The following SGMS1 variants were observed in gnomAD, a reference collection of about 807,000 sequenced individuals.
SGMS1 encodes the protein phosphatidylcholine:ceramide cholinephosphotransferase 1.
In SGMS1, 13 loss-of-function variants were observed where a neutral mutation model predicts 46.2. The observed-to-expected ratio is 0.28, with a 90% CI of 0.18 to 0.45. The LOEUF is 0.45. Ranked by LOEUF, SGMS1 falls within the 20% of genes least tolerant of loss-of-function variation. SGMS1 has a pLI of 1.00. For missense variants in SGMS1, 324 were observed against 519.9 expected, an observed-to-expected ratio of 0.62 and a Z score of 3.66; for synonymous variants, 203 against 187.8, an observed-to-expected ratio of 1.08 and a Z score of -0.66.
intron 1 of SGMS1, among the ~76,000 whole-genome samples, chr10:50,604,438 C>T (rs1200101155): frequency 6.6e-6 from 1 of 152,188 alleles, no homozygotes; most frequent in African/African-American, 2.4e-5. Flanking sequence ...TAACAGACTC[C>T]AACAGCAAAC....
intron 2 of SGMS1, among the ~76,000 whole-genome samples, chr10:50,543,462 C>G (rs1838073698): frequency 6.6e-6 from 1 of 152,136 alleles, no homozygotes; most frequent in South Asian, 2.1e-4. Flanking sequence ...AGAGCGTAGG[C>G]TAAGAAACAA....
intron 3 of SGMS1, among the ~76,000 whole-genome samples, chr10:50,477,567 A>G (rs970085026): frequency 6.6e-6 from 1 of 152,062 alleles, no homozygotes; most frequent in Non-Finnish European, 1.5e-5. Flanking sequence ...ATTCGGGAGG[A>G]GCCAGGGGCA....
chr10:50,427,837 T>C (rs1237608698), intron 6 of SGMS1, among the ~76,000 whole-genome samples: 2 of 152,212 alleles, frequency 1.3e-5, no homozygotes, highest in African/African-American at 4.8e-5. Flanking sequence ...CAAACATTTA[T>C]AGAATTCAAA....
At chr10:50,338,967 G>C (rs11005245) in intron 7 of SGMS1, among the ~76,000 whole-genome samples, 1 of 151,968 alleles carries the variant, frequency 6.6e-6, no homozygotes, top group Non-Finnish European at 1.5e-5. Flanking sequence ...CAAACTCTCA[G>C]CCTCAGGTGA....
intron 3 of SGMS1, among the ~76,000 whole-genome samples, chr10:50,503,700 G>C (rs1837681128): frequency 6.6e-6 from 1 of 152,208 alleles, no homozygotes; most frequent in African/African-American, 2.4e-5. Context: ...GGATATGAGT[G>C]AAAGTTCCCA....
chr10:50,506,941 G>A (rs1260551506), intron 3 of SGMS1, among the ~76,000 whole-genome samples: 2 of 152,068 alleles, frequency 1.3e-5, no homozygotes, highest in Non-Finnish European at 2.9e-5. Context: ...CAATACTGTC[G>A]GGCCCCAAAA....
At chr10:50,531,183 A>G (rs1163084288) in intron 2 of SGMS1, among the ~76,000 whole-genome samples, 1 of 152,224 alleles carries the variant, frequency 6.6e-6, no homozygotes, top group Admixed American at 6.5e-5. Context: ...CAGTGCCACC[A>G]CCTGATTGAT....
intron 6 of SGMS1, among the ~76,000 whole-genome samples, chr10:50,359,682 CAAAAA>C (rs34496581): frequency 7.1e-6 from 1 of 140,290 alleles, no homozygotes; most frequent in African/African-American, 2.7e-5. Context: ...TTCATTATGG[CAAAAA>C]AAAAAAAACT....
chr10:50,473,506 T>C (rs780213955), intron 3 of SGMS1, among the ~76,000 whole-genome samples: 1 of 152,140 alleles, frequency 6.6e-6, no homozygotes, highest in Non-Finnish European at 1.5e-5. Context: ...TAATAAACTT[T>C]CCAAGTCTCA....
intron 6 of SGMS1, among the ~76,000 whole-genome samples, chr10:50,349,186 C>T (rs778133996): frequency 5.3e-5 from 8 of 152,216 alleles, no homozygotes; most frequent in Non-Finnish European, 8.8e-5. Flanking sequence ...ATTATTCCTT[C>T]CTTAAAATAA....
intron 7 of SGMS1, chr10:50,327,943 A>G (rs1221096483): frequency 3.9e-6 from 1 of 255,378 alleles, no homozygotes; most frequent in Non-Finnish European, 7.6e-6. Flanking sequence ...GAAGTAAAAT[A>G]GGGGTAACAA....
chr10:50,549,501 T>C (rs748350676), intron 2 of SGMS1, among the ~76,000 whole-genome samples: 1 of 151,834 alleles, frequency 6.6e-6, no homozygotes, highest in Non-Finnish European at 1.5e-5. Context: ...TGAGGACACA[T>C]GGACACAGGA....
At chr10:50,448,503 G>A (rs1837053953) in intron 5 of SGMS1, among the ~76,000 whole-genome samples, 1 of 152,040 alleles carries the variant, frequency 6.6e-6, no homozygotes, top group South Asian at 2.1e-4. Flanking sequence ...CCAGCACTTT[G>A]GGAGGCTGAG....
In SGMS1 at chr10:50,567,386, A is replaced by G. The variant is rs556503962; in HGVS notation, c.-589+22767T>C. 3.1e-3 allele frequency among the ~76,000 whole-genome samples: 472 copies of G among 152,354 alleles called. 2 individuals carry two copies. The highest frequency in any genetic ancestry group is 0.011 in the African/African-American group (455 of 41,566). On this transcript the variant is annotated intron_variant, in intron 2 of 10. Coordinates refer to ENST00000361781, the MANE Select transcript of SGMS1 (RefSeq NM_147156.4). ...CCGTATATTCTAGTGGTGTAAAACC[A>G]AGAAGTTCCTGGTGACCCATGAGCC...
At chr10:50,495,560 G>C (rs1025650876) in intron 3 of SGMS1, among the ~76,000 whole-genome samples, 3 of 152,082 alleles carry the variant, frequency 2.0e-5, no homozygotes, top group Non-Finnish European at 2.9e-5. Flanking sequence ...TATAAACATA[G>C]AAGTTTATTC....
At chr10:50,555,431 C>T (rs967329145) in intron 2 of SGMS1, among the ~76,000 whole-genome samples, 5 of 152,208 alleles carry the variant, frequency 3.3e-5, no homozygotes, top group Admixed American at 6.5e-5. Flanking sequence ...GGACCTGGCT[C>T]ACAAATAAGC....
At chr10:50,348,738 T>C (rs552089350) in intron 6 of SGMS1, among the ~76,000 whole-genome samples, 1 of 152,342 alleles carries the variant, frequency 6.6e-6, no homozygotes, top group South Asian at 2.1e-4. Context: ...ATGGCCATAC[T>C]GCCCAAAGTA....
chr10:50,541,831 A>G (rs1308764088), intron 2 of SGMS1, among the ~76,000 whole-genome samples: 1 of 152,196 alleles, frequency 6.6e-6, no homozygotes, highest in African/African-American at 2.4e-5. Context: ...AAGGATTTTT[A>G]TTCCTGGAGC....
intron 3 of SGMS1, among the ~76,000 whole-genome samples, chr10:50,510,203 T>C (rs1837741649): frequency 6.6e-6 from 1 of 152,192 alleles, no homozygotes; most frequent in Non-Finnish European, 1.5e-5. Context: ...GCGTTTGAGA[T>C]TCAGCCAAAT....
Sources: gnomAD v4.1 joint callset for allele counts (sites outside exome capture counted in the v4.1 genomes callset) on GRCh38, gnomAD v4.1.1 for gene constraint, MANE v1.5 for transcripts, NCBI Gene and HGNC (gene_info 2026-07-23, HGNC 2026-07-21) for gene names.